Variants in AFF3 observed in about 807,000 individuals in gnomAD.
AFF3 encodes the protein AF4/FMR2 family member 3.
In AFF3, 32 loss-of-function variants were observed where a neutral mutation model predicts 129.7. The observed-to-expected ratio is 0.25, with a 90% CI of 0.19 to 0.33. The LOEUF is 0.33. Among genes scored for constraint, AFF3 ranks in the 10% least tolerant of loss-of-function variants. The pLI, the probability that AFF3 is intolerant of heterozygous loss-of-function variation, is 1.00. For synonymous variants in AFF3, 644 were observed against 635.4 expected (o/e 1.01, Z -0.20); for missense variants, 1,373 against 1,592.0 (o/e 0.86, Z 2.34).
At chr2:99,761,338 C>T (rs1682574963) in intron 8 of AFF3, among the ~76,000 whole-genome samples, 1 of 152,162 alleles carries the variant, frequency 6.6e-6, no homozygotes. Flanking sequence ...TCCTCCATAT[C>T]CCAATTTTCA....
intron 8 of AFF3, among the ~76,000 whole-genome samples, chr2:99,756,757 C>A (rs1682132553): frequency 1.3e-5 from 2 of 152,204 alleles, no homozygotes; most frequent in Non-Finnish European, 2.9e-5. Flanking sequence ...TTTATACTTG[C>A]TGTTTTGACA....
At chr2:99,714,727 C>T (rs538675145) in intron 11 of AFF3, among the ~76,000 whole-genome samples, 1 of 152,046 alleles carries the variant, frequency 6.6e-6, no homozygotes, top group Non-Finnish European at 1.5e-5. Context: ...GTTTGTGTAA[C>T]CTTATTGTTA....
chr2:99,969,233 T>C (rs1678099770), intron 7 of AFF3, among the ~76,000 whole-genome samples: 1 of 152,176 alleles, frequency 6.6e-6, no homozygotes, highest in South Asian at 2.1e-4. Context: ...CATCACTCCA[T>C]TTCTACCCTC....
intron 8 of AFF3, among the ~76,000 whole-genome samples, chr2:99,821,037 T>G (rs1425948614): frequency 2.0e-5 from 3 of 151,922 alleles, no homozygotes; most frequent in African/African-American, 7.2e-5. Flanking sequence ...CATGCCTGTC[T>G]GATTTTTGTA....
intron 7 of AFF3, among the ~76,000 whole-genome samples, chr2:99,995,230 T>C (rs1045383697): frequency 3.3e-5 from 5 of 152,078 alleles, no homozygotes; most frequent in Non-Finnish European, 5.9e-5. Flanking sequence ...TATAATTCCA[T>C]AAAAAGAAAG....
At chr2:99,746,828 A>T (rs1392341714) in intron 9 of AFF3, among the ~76,000 whole-genome samples, 1 of 152,090 alleles carries the variant, frequency 6.6e-6, no homozygotes, top group Non-Finnish European at 1.5e-5. Flanking sequence ...TTTGAGTCCC[A>T]TTTAGTTAAC....
chr2:100,045,641 T>G (rs1343467080), intron 4 of AFF3, among the ~76,000 whole-genome samples: 4 of 151,802 alleles, frequency 2.6e-5, no homozygotes, highest in African/African-American at 9.7e-5. Context: ...CCTCCACCTT[T>G]CCCACCTCTG....
chr2:100,107,847 T>C (rs1280619281), intron 2 of AFF3, among the ~76,000 whole-genome samples: 1 of 152,138 alleles, frequency 6.6e-6, no homozygotes, highest in African/African-American at 2.4e-5. Context: ...CAGATATGAT[T>C]TGATAGAAGA....
chr2:99,733,912 T>C (rs756561830), intron 10 of AFF3, among the ~76,000 whole-genome samples: 4 of 152,222 alleles, frequency 2.6e-5, no homozygotes, highest in Non-Finnish European at 5.9e-5. Flanking sequence ...TCTTAGCCCT[T>C]TGATCTATTG....
chr2:99,927,746 AT>A (rs1331462492), intron 7 of AFF3, among the ~76,000 whole-genome samples: 1 of 152,196 alleles, frequency 6.6e-6, no homozygotes, highest in Non-Finnish European at 1.5e-5. Context: ...GTTAAAAAAA[AT>A]TTTTTTAAAT....
At chr2:99,910,263 C>G (rs78698985) in intron 7 of AFF3, among the ~76,000 whole-genome samples, 1 of 152,160 alleles carries the variant, frequency 6.6e-6, no homozygotes, top group Admixed American at 6.5e-5. Context: ...GAAAACAATT[C>G]TCCCATTATT....
At chr2:99,734,858 A>G (rs1050704078) in intron 10 of AFF3, among the ~76,000 whole-genome samples, 3 of 152,130 alleles carry the variant, frequency 2.0e-5, no homozygotes, top group Admixed American at 1.3e-4. Flanking sequence ...TCAAGTTTTG[A>G]TATCAAGGTT....
At chr2:99,580,302 T>G (rs1264896966) in intron 17 of AFF3, among the ~76,000 whole-genome samples, 1 of 152,320 alleles carries the variant, frequency 6.6e-6, no homozygotes, top group East Asian at 1.9e-4. Flanking sequence ...AAAGTTTTAC[T>G]GTAAACCAAT....
At chr2:100,109,847 T>C (rs1329723118) in intron 2 of AFF3, 2 of 152,222 alleles carry the variant, frequency 1.3e-5, no homozygotes, top group African/African-American at 4.8e-5. Context: ...GGAATTGGTA[T>C]GGTATTACTG....
chr2:100,094,137 A>T (rs1690093839), intron 4 of AFF3, among the ~76,000 whole-genome samples: 1 of 152,234 alleles, frequency 6.6e-6, no homozygotes, highest in Non-Finnish European at 1.5e-5. Context: ...CCTCTTTGGC[A>T]CCAGGGACCA....
At chr2:99,977,277 C>G (rs984062070) in intron 7 of AFF3, among the ~76,000 whole-genome samples, 35 of 152,138 alleles carry the variant, frequency 2.3e-4, no homozygotes, top group African/African-American at 8.0e-4. Flanking sequence ...CTCTCCAATG[C>G]TGGGTAGCAG....
intron 7 of AFF3, among the ~76,000 whole-genome samples, chr2:99,880,362 C>G (rs1692619049): frequency 6.6e-6 from 1 of 152,186 alleles, no homozygotes. Flanking sequence ...TATGGCTCAC[C>G]CTGAGGCCTC....
At chr2:99,956,448 G>C (rs376172602) in intron 7 of AFF3, among the ~76,000 whole-genome samples, 9 of 152,198 alleles carry the variant, frequency 5.9e-5, no homozygotes, top group African/African-American at 1.2e-4. Flanking sequence ...TGGAGGGGGG[G>C]GCTGTTTGTT....
intron 1 of AFF3, among the ~76,000 whole-genome samples, chr2:100,137,592 T>G (rs1457702350): frequency 6.6e-6 from 1 of 151,992 alleles, no homozygotes; most frequent in Non-Finnish European, 1.5e-5. Flanking sequence ...GAAAGGGATT[T>G]TATTCAAATA....
Sources: gnomAD v4.1 joint callset for allele counts (sites outside exome capture counted in the v4.1 genomes callset) on GRCh38, gnomAD v4.1.1 for gene constraint, MANE v1.5 for transcripts, NCBI Gene and HGNC (gene_info 2026-07-23, HGNC 2026-07-21) for gene names.